Variants in BCL2 observed in about 807,000 individuals in gnomAD.
BCL2 encodes BCL2 apoptosis regulator.
In BCL2, 1 loss-of-function variant was observed where a neutral mutation model predicts 14.2. The observed-to-expected ratio is 0.07, with a 90% confidence interval of 0.02 to 0.33. The LOEUF (loss-of-function observed/expected upper bound fraction) is 0.33. Among genes scored for constraint, BCL2 ranks in the 10% least tolerant of loss-of-function variants. The pLI is 0.99. For missense variants in BCL2, 247 were observed against 305.9 expected (o/e 0.81, Z 1.44); for synonymous variants, 151 against 137.2 (o/e 1.10, Z -0.70).
chr18:63,234,304 T>C (rs1231818140), intron 2 of BCL2, among the ~76,000 whole-genome samples: 1 of 152,218 alleles, frequency 6.6e-6, no homozygotes, highest in Non-Finnish European at 1.5e-5. Context: ...TGTGTTTTCA[T>C]TGTTCAGCTC....
intron 2 of BCL2, among the ~76,000 whole-genome samples, chr18:63,216,977 T>G (rs751153177): frequency 3.3e-5 from 5 of 152,194 alleles, no homozygotes; most frequent in Non-Finnish European, 7.4e-5. Context: ...TGGCATCACG[T>G]TGAAGAAGGC....
intron 2 of BCL2, among the ~76,000 whole-genome samples, chr18:63,198,696 C>A (rs990815199): frequency 6.1e-5 from 7 of 115,200 alleles, no homozygotes; most frequent in Admixed American, 2.0e-4. Context: ...CAGACACACA[C>A]ACTGACACAC....
intron 2 of BCL2, among the ~76,000 whole-genome samples, chr18:63,231,153 T>C (rs1910677271): frequency 1.3e-5 from 2 of 151,974 alleles, no homozygotes; most frequent in South Asian, 4.1e-4. Flanking sequence ...ATCATCTCAA[T>C]AGATGCAGAA....
At chr18:63,315,042 T>C (rs949505994) in intron 2 of BCL2, 2 of 152,126 alleles carry the variant, frequency 1.3e-5, no homozygotes, top group African/African-American at 4.8e-5. Flanking sequence ...GCAGAATCCA[T>C]CCCAGGTAGC....
intron 2 of BCL2, among the ~76,000 whole-genome samples, chr18:63,281,716 G>T (rs1038726221): frequency 8.1e-6 from 1 of 123,466 alleles, no homozygotes; most frequent in Non-Finnish European, 1.9e-5. Flanking sequence ...AAGAAAGAAA[G>T]AAAGAAAGAA....
intron 2 of BCL2, among the ~76,000 whole-genome samples, chr18:63,256,361 T>A (rs1028343713): frequency 6.6e-6 from 1 of 152,142 alleles, no homozygotes; most frequent in Non-Finnish European, 1.5e-5. Context: ...GGACTACAGG[T>A]GTGCACCACC....
intron 2 of BCL2, among the ~76,000 whole-genome samples, chr18:63,295,959 T>C (rs1221679030): frequency 6.6e-6 from 1 of 152,196 alleles, no homozygotes. Flanking sequence ...CGCCCCCTGG[T>C]TGTGACCACA....
At chr18:63,316,875 G>A (rs1243518558) in intron 2 of BCL2, 1 of 151,018 alleles carries the variant, frequency 6.6e-6, no homozygotes, top group Non-Finnish European at 1.5e-5. Flanking sequence ...GGCTATAAAA[G>A]GAAGCACTGA....
chr18:63,156,014 T>C (rs1914771491), intron 2 of BCL2, among the ~76,000 whole-genome samples: 1 of 145,582 alleles, frequency 6.9e-6, no homozygotes, highest in African/African-American at 2.5e-5. Context: ...CTTGAGGGCA[T>C]TTCTCAAGTA....
In BCL2 at chr18:63,205,224, C is replaced by T. The variant is rs1312699314; in HGVS notation, c.586-76465G>A. Reference sequence around the variant, plus strand: ...ACCATCCTTCATCAACAACAGCCTTCCTTTGAACCGGAATAATCGTTTCTT... The same window carrying T: ...ACCATCCTTCATCAACAACAGCCTTTCTTTGAACCGGAATAATCGTTTCTT... On this transcript the variant is annotated intron_variant, in intron 2 of 2. Transcript: ENST00000333681. Among the ~76,000 whole-genome samples, 3 of 152,320 alleles carry T rather than the reference C, an allele frequency of 2.0e-5. No homozygotes were observed. The South Asian group carries it at 6.2e-4, about 32-fold the overall frequency.
chr18:63,319,039 C>T (rs4987707), intron 1 of BCL2, 87 bp from the exon 2 acceptor site: 363 of 1,103,788 alleles, frequency 3.3e-4, no homozygotes, highest in Admixed American at 1.4e-3. Context: ...GGCATACACA[C>T]TACAAGTAAC....
At chr18:63,238,856 GTC>G (rs1487235382) in intron 2 of BCL2, among the ~76,000 whole-genome samples, 1 of 152,168 alleles carries the variant, frequency 6.6e-6, no homozygotes, top group African/African-American at 2.4e-5. Flanking sequence ...GTTCTCTTTT[GTC>G]TCTACCTGGA....
rs114466799 is a variant in BCL2, at chr18:63,252,423, C to T, written c.585+65659G>A. 1.7e-3 allele frequency among the ~76,000 whole-genome samples: 261 copies of T among 152,298 alleles called. 2 individuals are homozygous for T. Among genetic ancestry groups the T allele is most frequent in the African/African-American group, 5.8e-3 (242 of 41,562 alleles). ...TTACTTCCTTCCATACCTATTGATA[C>T]GGTTTGGCTGTGTCCCCACCCAAAT... On this transcript the variant is annotated intron_variant, in intron 2 of 2. Coordinates refer to ENST00000333681, the MANE Select transcript of BCL2 (RefSeq NM_000633.3).
intron 2 of BCL2, among the ~76,000 whole-genome samples, chr18:63,146,354 C>T (rs1434869030): frequency 3.3e-5 from 5 of 152,216 alleles, no homozygotes; most frequent in African/African-American, 7.2e-5. Flanking sequence ...GGACGCTGGT[C>T]GTGGACACTG....
chr18:63,197,527 C>T (rs150894502), intron 2 of BCL2, among the ~76,000 whole-genome samples: 2 of 152,234 alleles, frequency 1.3e-5, no homozygotes, highest in Non-Finnish European at 2.9e-5. Flanking sequence ...CTGGTGACAG[C>T]TACCTCAGAG....
intron 2 of BCL2, among the ~76,000 whole-genome samples, chr18:63,221,846 G>A (rs1910399041): frequency 6.6e-6 from 1 of 152,216 alleles, no homozygotes; most frequent in Non-Finnish European, 1.5e-5. Flanking sequence ...TACTACCTGT[G>A]TATCTGAGTA....
intron 2 of BCL2, among the ~76,000 whole-genome samples, chr18:63,253,809 A>C (rs377222737): frequency 6.6e-6 from 1 of 151,782 alleles, no homozygotes; most frequent in East Asian, 1.9e-4. Flanking sequence ...AATAATATAC[A>C]TATTTGTGGC....
At chr18:63,178,951 T>C (rs1363730845) in intron 2 of BCL2, among the ~76,000 whole-genome samples, 1 of 147,730 alleles carries the variant, frequency 6.8e-6, no homozygotes, top group Non-Finnish European at 1.5e-5. Flanking sequence ...GATTTGGGGA[T>C]CACAAAAGTC....
At position 63,124,662 on chromosome 18, in the gene BCL2, A is replaced by G. The variant is rs1913864352; in HGVS notation, c.*3963T>C. On this transcript the variant is annotated 3_prime_UTR_variant, in exon 3 of 3. Coordinates refer to ENST00000333681, the MANE Select transcript of BCL2 (RefSeq NM_000633.3). ...ATAATTTAAAAAAAAAATCCCTGAA[A>G]GATCCAAATTGAATAACAATAAAGA... 1.3e-5 allele frequency: 3 copies of G among 230,924 alleles called. No individual in the cohort carries two copies. The highest frequency in any genetic ancestry group is 1.1e-4 in the Admixed American group (2 of 17,680). 14.3% of individuals were successfully genotyped at this position (230,924 alleles called of 1,614,324 possible).
Sources: gnomAD v4.1 joint callset for allele counts (sites outside exome capture counted in the v4.1 genomes callset) on GRCh38, gnomAD v4.1.1 for gene constraint, MANE v1.5 for transcripts, NCBI Gene and HGNC (gene_info 2026-07-23, HGNC 2026-07-21) for gene names.